AGAP3: variants seen among roughly 807,000 people sequenced by gnomAD.
AGAP3 encodes the protein ArfGAP with GTPase domain, ankyrin repeat and PH domain 3.
A neutral mutation model predicts 96.9 loss-of-function variants in AGAP3; 24 were observed. The ratio of observed to expected loss-of-function variants is 0.25; its 90% CI spans 0.18 to 0.35. AGAP3 has a LOEUF of 0.35. Among genes scored for constraint, AGAP3 ranks in the 10% least tolerant of loss-of-function variants. AGAP3 has a pLI of 1.00. For missense variants in AGAP3, 876 were observed against 1,254.2 expected (o/e 0.70, Z 4.55); for synonymous variants, 563 against 536.1 (o/e 1.05, Z -0.69).
In AGAP3 at chr7:151,133,818, G is replaced by A. The variant is rs761282409; in HGVS notation, c.1327-582G>A. 2.6e-5 allele frequency among the ~76,000 whole-genome samples: 4 copies of A among 152,168 alleles called. No individual in the cohort carries two copies. Among genetic ancestry groups the A allele is most frequent in the African/African-American group, 7.2e-5 (3 of 41,432 alleles). On this transcript the variant is annotated intron_variant, in intron 10 of 17. Coordinates refer to ENST00000397238, the MANE Select transcript of AGAP3 (RefSeq NM_031946.7). The surrounding 1 kb of genome is among the most constrained non-coding windows in gnomAD (Gnocchi z 5.4). ...CATGACGGCGATGACGATGACTGCC[G>A]CCAGGGAATTGGTGGTACCTGTGAG...
chr7:151,090,938 C>T (rs1395148062), intron 1 of AGAP3, among the ~76,000 whole-genome samples: 11 of 151,874 alleles, frequency 7.2e-5, no homozygotes, highest in Non-Finnish European at 1.3e-4. Context: ...AGCAAGACTC[C>T]GTCTCAAAAA....
In AGAP3 at chr7:151,142,022, C is replaced by T; in HGVS notation, c.1929C>T (p.Ser643=). The T allele has an allele frequency of 6.2e-7, 1 of 1,614,038 alleles. No homozygotes were observed. The highest frequency in any genetic ancestry group is 8.5e-7 in the Non-Finnish European group (1 of 1,179,924). ...GTGTGCAGGCCCAGATCCTTGCCAGCCTGCAAGGCTGCCGCAGTGCCAAGG... is the reference window on the plus strand; with the variant it reads ...GTGTGCAGGCCCAGATCCTTGCCAGTCTGCAAGGCTGCCGCAGTGCCAAGG... ...VQSVQAQILA[S]LQGCRSAKDK... is the part of the protein sequence containing the mutation. Residue 643 remains serine, a synonymous_variant, in exon 14 of 18, where the codon AGC becomes AGT. Transcript: ENST00000397238. The surrounding 1 kb of genome is among the most constrained non-coding windows in gnomAD (Gnocchi z 7.5).
chr7:151,117,525 G>T, intron 4 of AGAP3, 69 bp downstream of exon 4: 1 of 1,613,248 alleles, frequency 6.2e-7, no homozygotes, highest in Non-Finnish European at 8.5e-7. Flanking sequence ...TGCTGGTTGG[G>T]ACTGGGAGAG....
intron 11 of AGAP3, chr7:151,136,709 G>A (rs964185556): frequency 6.6e-6 from 1 of 152,148 alleles, no homozygotes; most frequent in Non-Finnish European, 1.5e-5. Flanking sequence ...AGGATTTTGG[G>A]TCGGGGGCTT....
intron 1 of AGAP3, among the ~76,000 whole-genome samples, chr7:151,087,831 C>G (rs1401124930): frequency 6.6e-6 from 1 of 152,272 alleles, no homozygotes; most frequent in Non-Finnish European, 1.5e-5. Context: ...CCTGGACTTT[C>G]GACCGCTGAG....
At position 151,116,820 on chromosome 7, in the gene AGAP3, C is replaced by T. The variant is rs766557940; in HGVS notation, c.359C>T (p.Thr120Met). The T allele has an allele frequency of 1.2e-6, 2 of 1,614,106 alleles. No individual in the cohort carries two copies. Among genetic ancestry groups the T allele is most frequent in the Non-Finnish European group, 1.7e-6 (2 of 1,180,012 alleles). ...TCGTTTGTGAACAGCCAGGAGTGGACGCTGAGCCGCTCCGTACCGGAGCTT... is the reference window on the plus strand; with the variant it reads ...TCGTTTGTGAACAGCCAGGAGTGGATGCTGAGCCGCTCCGTACCGGAGCTT... ...EDSFVNSQEW[T>M]LSRSVPELKV... The change falls in exon 2 of 18, where the codon ACG (threonine) becomes ATG (methionine). Residue 120 changes from threonine to methionine, a missense_variant. Thr to Met is a moderately conservative substitution (Grantham distance 81). Coordinates refer to ENST00000397238, the MANE Select transcript of AGAP3 (RefSeq NM_031946.7).
chr7:151,126,794 C>T lies in AGAP3; in HGVS notation c.1222-1786C>T, dbSNP rs139972950. Among the ~76,000 whole-genome samples the T allele has an allele frequency of 9.1e-3, 1,388 of 152,292 alleles. 9 individuals are homozygous for T. The highest frequency in any genetic ancestry group is 0.027 in the South Asian group (130 of 4,830). On this transcript the variant is annotated intron_variant, in intron 9 of 17. Coordinates refer to ENST00000397238, the MANE Select transcript of AGAP3 (RefSeq NM_031946.7). Reference sequence around the variant, plus strand: ...CCTTCGCAGACCAAGAGGCAGGGCCCGCTTGCCTTGTGGAAGGTCCCCTTA... The same window carrying T: ...CCTTCGCAGACCAAGAGGCAGGGCCTGCTTGCCTTGTGGAAGGTCCCCTTA...
chr7:151,130,061 T>C (rs1222400037), intron 10 of AGAP3, among the ~76,000 whole-genome samples: 2 of 152,188 alleles, frequency 1.3e-5, no homozygotes, highest in Non-Finnish European at 2.9e-5. Context: ...TGCCCTCTGC[T>C]CATGTCCAGC....
intron 1 of AGAP3, among the ~76,000 whole-genome samples, chr7:151,097,241 G>T (rs1798641612): frequency 6.6e-6 from 1 of 152,004 alleles, no homozygotes; most frequent in Admixed American, 6.6e-5. Flanking sequence ...GTAAAGAAAA[G>T]AAGTTTAGGT....
chr7:151,112,324 T>A (rs1342664594), intron 1 of AGAP3: 1 of 152,184 alleles, frequency 6.6e-6, no homozygotes, highest in African/African-American at 2.4e-5. Context: ...GCAGGTGCAG[T>A]GGGACTACAT....
At chr7:151,115,617 C>G (rs867861705) in intron 1 of AGAP3, 1 of 1,168,064 alleles carries the variant, frequency 8.6e-7, no homozygotes, top group Non-Finnish European at 1.1e-6. Flanking sequence ...GGCTGCGGCC[C>G]CGGAGCTCCT....
chr7:151,128,751 C>T (rs1584770946), intron 10 of AGAP3, 67 bp downstream of exon 10: 5 of 1,380,828 alleles, frequency 3.6e-6, no homozygotes, highest in African/African-American at 1.4e-5. Context: ...TAACAGAATG[C>T]GGGTAGCAGA....
intron 1 of AGAP3, 83 bp from the exon 2 acceptor site, chr7:151,116,710 C>A: frequency 6.6e-7 from 1 of 1,506,666 alleles, no homozygotes; most frequent in Non-Finnish European, 9.2e-7. Context: ...TTGGGGAGGG[C>A]ATCATAGGTG....
At chr7:151,093,306 A>G (rs1300942525) in intron 1 of AGAP3, among the ~76,000 whole-genome samples, 1 of 151,966 alleles carries the variant, frequency 6.6e-6, no homozygotes, top group Non-Finnish European at 1.5e-5. Flanking sequence ...ACACCCAGCT[A>G]ATTTTTTCAT....
In AGAP3 at chr7:151,142,434, C is replaced by T. The variant is rs770515910; in HGVS notation, c.2073C>T (p.Asn691=). 5.0e-6 allele frequency: 8 copies of T among 1,613,900 alleles called. No individual in the cohort carries two copies. The highest frequency in any genetic ancestry group is 4.0e-5 in the African/African-American group (3 of 75,052). Residue 691 remains asparagine, a synonymous_variant, in exon 16 of 18, where the codon AAC becomes AAT. Coordinates refer to ENST00000397238, the MANE Select transcript of AGAP3 (RefSeq NM_031946.7). The surrounding 1 kb of genome is among the most constrained non-coding windows in gnomAD (Gnocchi z 7.5). The part of the protein sequence containing the change: ...DAPNPDWASL[N]LGALMCIECS... ...TAGATCCAGACTGGGCCAGCCTGAA[C>T]CTGGGTGCCCTGATGTGCATTGAGT...
chr7:151,121,342 G>A (rs538641788), intron 8 of AGAP3, among the ~76,000 whole-genome samples: 1 of 145,944 alleles, frequency 6.9e-6, no homozygotes, highest in Non-Finnish European at 1.5e-5. Flanking sequence ...ATTAGAGCGT[G>A]GGGGGGGCCG....
chr7:151,117,101 G>A lies in AGAP3; in HGVS notation c.397G>A (p.Val133Met). Reference protein sequence around the residue: ...RSVPELKVGIVGNLSSGKSAL... With the variant: ...RSVPELKVGIMGNLSSGKSAL... ...ACCCCTTCCTCTCCCGCAGGGCATAGTGGGGAACCTGTCTAGCGGGAAGTC... is the reference window on the plus strand; with the variant it reads ...ACCCCTTCCTCTCCCGCAGGGCATAATGGGGAACCTGTCTAGCGGGAAGTC... The change falls in exon 3 of 18, where the codon GTG becomes ATG. Residue 133 changes from valine (V) to methionine (M), a missense_variant. Coordinates refer to ENST00000397238, the MANE Select transcript of AGAP3 (RefSeq NM_031946.7). The A allele has an allele frequency of 1.2e-6, 2 of 1,614,042 alleles. No individual in the cohort carries two copies. Among genetic ancestry groups the A allele is most frequent in the Admixed American group, 1.7e-5 (1 of 60,022 alleles).
intron 3 of AGAP3, 94 bp from the exon 4 acceptor site, chr7:151,117,277 G>A (rs1267339095): frequency 1.1e-5 from 17 of 1,594,212 alleles, no homozygotes; most frequent in Non-Finnish European, 1.4e-5. Flanking sequence ...CCCCCTTCCA[G>A]TCCTCTTCCC....
At chr7:151,138,032 G>T (rs1226833109) in intron 11 of AGAP3, 111 bp from the exon 12 acceptor site, 4 of 868,312 alleles carry the variant, frequency 4.6e-6, no homozygotes, top group Non-Finnish European at 7.1e-6. Context: ...TGAACCCAGT[G>T]CCCTGCTGAA....
Sources: allele counts gnomAD v4.1 joint callset (sites outside exome capture counted in the v4.1 genomes callset), GRCh38; gene constraint gnomAD v4.1.1; non-coding constraint Gnocchi (gnomAD v3.1); transcripts MANE v1.5; gene names NCBI Gene and HGNC (gene_info 2026-07-23, HGNC 2026-07-21).